Variants in EYA2 observed in about 807,000 individuals in gnomAD.
EYA2 encodes EYA transcriptional coactivator and phosphatase 2, also known as protein phosphatase EYA2.
EYA2 carries 31 observed loss-of-function variants against 69.2 expected under a neutral mutation model. The observed-to-expected ratio is 0.45, with a 90% confidence interval of 0.34 to 0.60. The LOEUF (loss-of-function observed/expected upper bound fraction) is 0.60, where lower values mean the gene tolerates loss of function less well. Among genes scored for constraint, EYA2 ranks in the 20% least tolerant of loss-of-function variants. The pLI, the probability that EYA2 is intolerant of heterozygous loss-of-function variation, is 0.02. For missense variants in EYA2, 622 were observed against 701.2 expected, an observed-to-expected ratio of 0.89 and a Z score of 1.28; for synonymous variants, 257 against 279.4, an observed-to-expected ratio of 0.92 and a Z score of 0.80.
intron 1 of EYA2, among the ~76,000 whole-genome samples, chr20:46,906,790 C>T (rs1375982999): frequency 6.6e-6 from 1 of 152,162 alleles, no homozygotes; most frequent in Non-Finnish European, 1.5e-5. Flanking sequence ...TTCATAACCC[C>T]TGACTTCCCT....
At chr20:47,009,187 G>A (rs1004659667) in intron 4 of EYA2, among the ~76,000 whole-genome samples, 13 of 152,018 alleles carry the variant, frequency 8.6e-5, no homozygotes, top group African/African-American at 3.1e-4. Context: ...ACACACACGC[G>A]TGCACGCACA....
At chr20:47,091,000 G>A (rs2032067783) in intron 8 of EYA2, among the ~76,000 whole-genome samples, 1 of 152,118 alleles carries the variant, frequency 6.6e-6, no homozygotes. Context: ...TGTCTCGGTA[G>A]GATTGTCAGT....
Position 47,084,659 on chromosome 20 carries a change from A to G in EYA2, c.662-4580A>G, listed in dbSNP as rs6124939. ...ATTAAGATGCCAAATGTCATTAATC[A>G]TTAGAGAAATGCAAATTAAGTTCAC... On this transcript the variant is annotated intron_variant, in intron 7 of 15. Transcript: ENST00000327619. Among the ~76,000 whole-genome samples the G allele has an allele frequency of 1.9e-3, 286 of 152,334 alleles. 2 individuals are homozygous for G. The highest frequency in any genetic ancestry group is 0.018 in the East Asian group (91 of 5,188).
chr20:47,052,205 G>A (rs1049430839), intron 5 of EYA2, among the ~76,000 whole-genome samples: 1 of 152,198 alleles, frequency 6.6e-6, no homozygotes, highest in African/African-American at 2.4e-5. Flanking sequence ...TGATTTCAGA[G>A]GCGTGCTACT....
At chr20:47,022,550 G>T (rs1316357840) in intron 5 of EYA2, among the ~76,000 whole-genome samples, 1 of 151,936 alleles carries the variant, frequency 6.6e-6, no homozygotes, top group Non-Finnish European at 1.5e-5. Flanking sequence ...CTTACCTCAA[G>T]TGATCCGCCC....
intron 1 of EYA2, among the ~76,000 whole-genome samples, chr20:46,986,341 GTA>G (rs943907809): frequency 5.2e-4 from 36 of 68,626 alleles, no homozygotes; most frequent in Non-Finnish European, 1.2e-3. Flanking sequence ...TATATCTAAT[GTA>G]TATATATACA....
intron 10 of EYA2, among the ~76,000 whole-genome samples, chr20:47,147,779 C>T (rs989211789): frequency 2.0e-5 from 3 of 152,178 alleles, no homozygotes; most frequent in Non-Finnish European, 4.4e-5. Flanking sequence ...CCAGGATTGG[C>T]CTGGTGCGGT....
At chr20:47,070,279 G>A (rs2031267200) in intron 5 of EYA2, among the ~76,000 whole-genome samples, 1 of 152,314 alleles carries the variant, frequency 6.6e-6, no homozygotes, top group South Asian at 2.1e-4. Context: ...TATGTGAATG[G>A]CTAAAAAGCA....
chr20:46,973,152 T>C (rs1017989184), intron 1 of EYA2, among the ~76,000 whole-genome samples: 2 of 152,120 alleles, frequency 1.3e-5, no homozygotes, highest in African/African-American at 4.8e-5. Flanking sequence ...TTCCAGAGCA[T>C]TGCTGCCCTC....
At chr20:47,047,396 C>CTTTTTTTTTTTTTT (rs775373584) in intron 5 of EYA2, among the ~76,000 whole-genome samples, 12 of 148,160 alleles carry the variant, frequency 8.1e-5, no homozygotes, top group African/African-American at 7.5e-5. Flanking sequence ...CTCTCTCTCT[C>CTTTTTTTTTTTTTT]TTTTTTTTGA....
At chr20:47,033,813 A>G (rs1015169618) in intron 5 of EYA2, among the ~76,000 whole-genome samples, 3 of 152,244 alleles carry the variant, frequency 2.0e-5, no homozygotes, top group Non-Finnish European at 2.9e-5. Context: ...CTCAATGGAC[A>G]TATAGCATGA....
At chr20:47,066,993 C>T (rs185903149) in intron 5 of EYA2, among the ~76,000 whole-genome samples, 31 of 152,280 alleles carry the variant, frequency 2.0e-4, no homozygotes, top group African/African-American at 7.2e-4. Context: ...CTTCCTGGGT[C>T]CTCTCTGGCA....
chr20:46,995,157 T>TC (rs11483507), intron 2 of EYA2, among the ~76,000 whole-genome samples: 6,218 of 152,226 alleles, frequency 0.041, 420 homozygotes, highest in African/African-American at 0.14. Context: ...CGCCTAAGCC[T>TC]CCCAAAGTGC....
At chr20:46,896,924 A>G (rs1479094882) in intron 1 of EYA2, among the ~76,000 whole-genome samples, 3 of 152,242 alleles carry the variant, frequency 2.0e-5, no homozygotes, top group Non-Finnish European at 4.4e-5. Flanking sequence ...AGAATACTCT[A>G]TAAACACACA....
intron 1 of EYA2, among the ~76,000 whole-genome samples, chr20:46,906,539 T>C (rs1302497151): frequency 1.3e-5 from 2 of 152,230 alleles, no homozygotes; most frequent in East Asian, 3.8e-4. Flanking sequence ...TTTGGATGAC[T>C]GTAATGTTGA....
At chr20:47,119,335 TTC>T (rs2032986114) in intron 9 of EYA2, among the ~76,000 whole-genome samples, 1 of 152,214 alleles carries the variant, frequency 6.6e-6, no homozygotes, top group Admixed American at 6.5e-5. Context: ...TTCGTGAACT[TTC>T]AGGCCCCTCC....
At chr20:46,945,753 TG>T (rs2146267892) in intron 1 of EYA2, among the ~76,000 whole-genome samples, 1 of 152,390 alleles carries the variant, frequency 6.6e-6, no homozygotes, top group African/African-American at 2.4e-5. Flanking sequence ...TGCTCCTATC[TG>T]CCTAGTCAGC....
At chr20:47,088,500 C>G (rs956882594) in intron 7 of EYA2, among the ~76,000 whole-genome samples, 1 of 152,174 alleles carries the variant, frequency 6.6e-6, no homozygotes, top group Non-Finnish European at 1.5e-5. Context: ...CCCTCCCTCA[C>G]TCCCTGACCG....
At chr20:47,089,141 C>T (rs1242841147) in intron 7 of EYA2, 98 bp from the exon 8 acceptor site, 3 of 1,427,530 alleles carry the variant, frequency 2.1e-6, no homozygotes, top group Non-Finnish European at 2.9e-6. Context: ...GCCTTGGAAC[C>T]CACTGCTTTG....
Sources: gnomAD v4.1 joint callset for allele counts (sites outside exome capture counted in the v4.1 genomes callset) on GRCh38, gnomAD v4.1.1 for gene constraint, MANE v1.5 for transcripts, NCBI Gene and HGNC (gene_info 2026-07-23, HGNC 2026-07-21) for gene names.